DPF2: variants seen among roughly 807,000 people sequenced by gnomAD.
The protein encoded by DPF2 is double PHD fingers 2, also known as zinc finger protein ubi-d4.
DPF2 carries 10 observed loss-of-function variants against 59.6 expected under a neutral mutation model. The observed-to-expected ratio is 0.17, with a 90% confidence interval of 0.10 to 0.28. The LOEUF (loss-of-function observed/expected upper bound fraction) is 0.28, where lower values mean the gene tolerates loss of function less well. Among genes scored for constraint, DPF2 ranks in the 10% least tolerant of loss-of-function variants. DPF2 has a pLI of 1.00. For synonymous variants in DPF2, 189 were observed against 190.6 expected, an observed-to-expected ratio of 0.99 and a Z score of 0.07; for missense variants, 315 against 509.4, an observed-to-expected ratio of 0.62 and a Z score of 3.67.
intron 1 of DPF2, among the ~76,000 whole-genome samples, chr11:65,337,566 T>A (rs1372458582): frequency 1.1e-4 from 14 of 131,282 alleles, no homozygotes; most frequent in Non-Finnish European, 1.9e-4. Context: ...AATGTTAACT[T>A]GACATTTCTT....
Position 65,353,919 on chromosome 11 carries a change from G to A in DPF2, c.*2160G>A, listed in dbSNP as rs1332473097. Among the ~76,000 whole-genome samples the A allele has an allele frequency of 6.6e-6, 1 of 152,180 alleles. No individual in the cohort carries two copies. The highest frequency in any genetic ancestry group is 1.5e-5 in the Non-Finnish European group (1 of 68,042). On this transcript the variant is annotated 3_prime_UTR_variant, in exon 11 of 11. Transcript: ENST00000528416. ...ATGCGCTTTGGCAGCTGAGTAGTCC[G>A]AGAGCCAGAAAAGAAATGTGGAAAA... is the stretch of plus-strand genomic sequence containing the variant.
chr11:65,341,466 G>C lies in DPF2; in HGVS notation c.369G>C (p.Leu123Phe). ...ATGGCAGTAGTTTAGAGGCTCTGTT[G>C]CGCACTGACCCCCTGGAGAAGCGAG... The part of the protein sequence containing the change: ...SQDGSSLEAL[L>F]RTDPLEKRGA... Residue 123 changes from leucine to phenylalanine, a missense_variant, in exon 4 of 11, where the codon TTG becomes TTC. Coordinates refer to ENST00000528416, the MANE Select transcript of DPF2 (RefSeq NM_006268.5). 1 of 1,614,210 alleles carries C rather than the reference G, an allele frequency of 6.2e-7. No individual in the cohort carries two copies. The highest frequency in any genetic ancestry group is 8.5e-7 in the Non-Finnish European group (1 of 1,180,040).
Position 65,351,652 on chromosome 11 carries a change from C to T in DPF2, c.1100-31C>T, listed in dbSNP as rs774405814. The T allele has an allele frequency of 6.9e-6, 11 of 1,602,580 alleles. No homozygotes were observed. In the South Asian group the frequency reaches 1.1e-4, roughly 16 times the overall value. On this transcript the variant is annotated intron_variant, in intron 10 of 10. Coordinates refer to ENST00000528416, the MANE Select transcript of DPF2 (RefSeq NM_006268.5). The stretch of plus-strand genomic sequence containing the variant: ...GCAAGCAGGTGGGGATTGTGTGGGA[C>T]CCATCCTGACCCCATTTTGCCTCTC...
At position 65,343,768 on chromosome 11, in the gene DPF2, C is replaced by G; in HGVS notation, c.489C>G (p.Phe163Leu). The change falls in exon 5 of 11, where the codon TTC becomes TTG. Residue 163 changes from phenylalanine (F) to leucine (L), a missense_variant. Transcript: ENST00000528416. ...AGCGGATCCTAGAACCAGATGACTT[C>G]CTGGATGACCTCGATGATGAAGACT... ...ARKRILEPDD[F>L]LDDLDDEDYE... is the part of the protein sequence containing the mutation. 6.3e-7 allele frequency: 1 copy of G among 1,598,114 alleles called. No individual in the cohort carries two copies. The highest frequency in any genetic ancestry group is 8.5e-7 in the Non-Finnish European group (1 of 1,172,700).
Position 65,345,988 on chromosome 11 carries a change from G to A in DPF2, c.834G>A (p.Gly278=), listed in dbSNP as rs61736579. 4 of 1,614,130 alleles carry A rather than the reference G, an allele frequency of 2.5e-6. No homozygotes were observed. Among genetic ancestry groups the A allele is most frequent in the Non-Finnish European group, 3.4e-6 (4 of 1,180,036 alleles). The change falls in exon 8 of 11, where the codon GGG becomes GGA. Residue 278 remains glycine, a synonymous_variant. Transcript: ENST00000528416. ...LPNNYCDFCL[G]DSKINKKTGQ... Reference sequence around the variant, plus strand: ...ACAACTACTGTGACTTCTGCCTGGGGGACTCAAAGATTAACAAGAAGACGG... The same window carrying A: ...ACAACTACTGTGACTTCTGCCTGGGAGACTCAAAGATTAACAAGAAGACGG...
chr11:65,350,672 G>A (rs530506483), intron 10 of DPF2, among the ~76,000 whole-genome samples: 4 of 151,320 alleles, frequency 2.6e-5, no homozygotes, highest in South Asian at 2.1e-4. Flanking sequence ...GTGAACCACT[G>A]CATCTAGCCT....
At chr11:65,346,710 A>G (rs1289945455) in intron 9 of DPF2, 1 of 179,864 alleles carries the variant, frequency 5.6e-6, no homozygotes, top group Non-Finnish European at 1.2e-5. Context: ...GAATAATTGC[A>G]TAAGTGATTT....
rs905554927 is a variant in DPF2, at chr11:65,339,419, C to T, written c.33-966C>T. Among the ~76,000 whole-genome samples the T allele has an allele frequency of 2.6e-5, 4 of 152,178 alleles. No homozygotes were observed. In the South Asian group the frequency reaches 6.2e-4, roughly 24 times the overall value. On this transcript the variant is annotated intron_variant, in intron 1 of 10. Coordinates refer to ENST00000528416, the MANE Select transcript of DPF2 (RefSeq NM_006268.5). ...TCCAGTTTTCCACTTAAAGATTTAC[C>T]CTTGATTCAGATTTCAAATTGAGTC...
chr11:65,333,955 T>C, intron 1 of DPF2, 37 bp downstream of exon 1: 1 of 1,609,618 alleles, frequency 6.2e-7, no homozygotes, highest in Non-Finnish European at 8.5e-7. Flanking sequence ...GGGCGGCAGG[T>C]TTTGTAAAGG....
chr11:65,344,847 G>A, intron 6 of DPF2: 1 of 556,216 alleles, frequency 1.8e-6, no homozygotes. Context: ...GCTCGGCCCA[G>A]TGCATGGGGT....
chr11:65,340,583 A>G, intron 2 of DPF2, 38 bp downstream of exon 2: 2 of 1,609,774 alleles, frequency 1.2e-6, no homozygotes, highest in Non-Finnish European at 1.7e-6. Context: ...ACTCAGGAGC[A>G]TAAGGAGGAA....
intron 10 of DPF2, 85 bp from the exon 11 acceptor site, chr11:65,351,598 A>C: frequency 1.4e-5 from 16 of 1,162,314 alleles, no homozygotes; most frequent in Non-Finnish European, 1.7e-5. Context: ...ATCCTGCTAT[A>C]GAGATGGGGT....
rs1380892528 is a variant in DPF2 at position 65,337,498 on chromosome 11, TATATATAGAG to T, written c.33-2885_33-2876del. ...AAATATATATATATATATATATATATATATATAGAGAGAGAGAGAGAGAGAGAGAGAGAGA... is the reference window on the plus strand; with the variant it reads ...AAATATATATATATATATATATATATAGAGAGAGAGAGAGAGAGAGAGAGA... On this transcript the variant is annotated intron_variant, in intron 1 of 10. Coordinates refer to ENST00000528416, the MANE Select transcript of DPF2 (RefSeq NM_006268.5). Among the ~76,000 whole-genome samples, 441 of 47,944 alleles carry T rather than the reference TATATATAGAG, an allele frequency of 9.2e-3. 1 individual carries two copies. The highest frequency in any genetic ancestry group is 0.012 in the East Asian group (15 of 1,274). 31.5% of individuals were successfully genotyped at this position (47,944 alleles called of 152,430 possible). A position where few individuals can be genotyped will look rare whatever the true frequency, so the allele number is the denominator to read the frequency against.
At position 65,351,875 on chromosome 11, in the gene DPF2, G is replaced by A. The variant is rs1854708071; in HGVS notation, c.*116G>A. ...CCTTCACAAATCCAGAGAACCTTGGGGTGGTTGTGCCAGCCTGCCTTTGGC... is the reference window on the plus strand; with the variant it reads ...CCTTCACAAATCCAGAGAACCTTGGAGTGGTTGTGCCAGCCTGCCTTTGGC... On this transcript the variant is annotated 3_prime_UTR_variant, in exon 11 of 11. Transcript: ENST00000528416. 8.0e-7 allele frequency: 1 copy of A among 1,244,720 alleles called. No individual in the cohort carries two copies. The highest frequency in any genetic ancestry group is 2.5e-5 in the East Asian group (1 of 40,224). The allele number at this position is 1,244,720 out of a possible 1,614,324, so 77.1% of individuals were successfully genotyped here.
In DPF2 at chr11:65,341,578, T is replaced by C. The variant is rs1461495380; in HGVS notation, c.465+16T>C. The C allele has an allele frequency of 3.7e-6, 6 of 1,612,926 alleles. No individual in the cohort carries two copies. Among genetic ancestry groups the C allele is most frequent in the Non-Finnish European group, 5.1e-6 (6 of 1,179,084 alleles). ...AGCGCGAAAGGTACAGGATTATCCC[T>C]GTGGCTAAGGGAGCTTTGATGGAAA... On this transcript the variant is annotated intron_variant, in intron 4 of 10. Transcript: ENST00000528416.
Position 65,343,985 on chromosome 11 carries a change from T to C in DPF2, c.559-6T>C. The C allele has an allele frequency of 6.2e-7, 1 of 1,614,168 alleles. No individual in the cohort carries two copies. The highest frequency in any genetic ancestry group is 8.5e-7 in the Non-Finnish European group (1 of 1,180,020). On this transcript the variant is annotated splice_region_variant and splice_polypyrimidine_tract_variant and intron_variant, in intron 5 of 10. Coordinates refer to ENST00000528416, the MANE Select transcript of DPF2 (RefSeq NM_006268.5). ...AATAAGGGTGTCTCTTTGCTCTTCT[T>C]GGCAGGGTAAGGGTGTGGGCAGTGC...
rs538019094 is a variant in DPF2 at position 65,353,836 on chromosome 11, G to T, written c.*2077G>T. On this transcript the variant is annotated 3_prime_UTR_variant, in exon 11 of 11. Transcript: ENST00000528416. ...GGGATTGTGTGAGGAGCAGAGCGCA[G>T]CCCGTCCTCATGCTTTTCCACTGAA... Among the ~76,000 whole-genome samples the T allele has an allele frequency of 3.9e-4, 59 of 152,302 alleles. No individual in the cohort carries two copies. The highest frequency in any genetic ancestry group is 1.2e-3 in the African/African-American group (50 of 41,556).
At chr11:65,339,566 A>G (rs1192199072) in intron 1 of DPF2, among the ~76,000 whole-genome samples, 1 of 152,230 alleles carries the variant, frequency 6.6e-6, no homozygotes, top group Non-Finnish European at 1.5e-5. Flanking sequence ...AAAAGCTTCA[A>G]GGAACTTCAG....
At chr11:65,334,365 G>A (rs1282386253) in intron 1 of DPF2, among the ~76,000 whole-genome samples, 1 of 152,090 alleles carries the variant, frequency 6.6e-6, no homozygotes, top group African/African-American at 2.4e-5. Flanking sequence ...CCTGCGGAGT[G>A]CACTGCGGGG....
Sources: gnomAD v4.1 joint callset for allele counts (sites outside exome capture counted in the v4.1 genomes callset) on GRCh38, gnomAD v4.1.1 for gene constraint, MANE v1.5 for transcripts, NCBI Gene and HGNC (gene_info 2026-07-23, HGNC 2026-07-21) for gene names.